PAH: variants seen among roughly 807,000 people sequenced by gnomAD.
The protein encoded by PAH is phenylalanine hydroxylase.
PAH carries 64 observed loss-of-function variants against 62.0 expected under a neutral mutation model. The observed-to-expected ratio is 1.03, with a 90% confidence interval of 0.84 to 1.27. The LOEUF (loss-of-function observed/expected upper bound fraction) is 1.27. Among genes scored for constraint, PAH ranks in the 50% most tolerant of loss-of-function variants. The pLI, the probability that PAH is intolerant of heterozygous loss-of-function variation, is 0.00. For missense variants in PAH, 579 were observed against 542.8 expected (o/e 1.07, Z -0.66); for synonymous variants, 195 against 196.2 (o/e 0.99, Z 0.05).
intron 3 of PAH, among the ~76,000 whole-genome samples, chr12:102,892,974 T>C (rs1877338760): frequency 6.6e-6 from 1 of 152,152 alleles, no homozygotes; most frequent in African/African-American, 2.4e-5. Flanking sequence ...CAATATCGGC[T>C]CATCAGTTCT....
intron 8 of PAH, chr12:102,847,425 A>G (rs1874900241): frequency 5.5e-6 from 1 of 180,804 alleles, no homozygotes; most frequent in Admixed American, 5.4e-5. Context: ...AATTCTCACC[A>G]CAGCTTCTGT....
At chr12:102,854,977 C>T in intron 6 of PAH, 159 bp downstream of exon 6, 2 of 709,970 alleles carry the variant, frequency 2.8e-6, no homozygotes, top group Admixed American at 4.0e-5. Flanking sequence ...AGGCAGAGCA[C>T]AGTGAAATTT....
At chr12:102,888,804 C>G (rs966800092) in intron 3 of PAH, among the ~76,000 whole-genome samples, 1 of 151,902 alleles carries the variant, frequency 6.6e-6, no homozygotes, top group African/African-American at 2.4e-5. Context: ...CAGCAAGCAT[C>G]CAGGTAAAGA....
upstream of PAH, chr12:102,917,536 T>C (rs1878438451): frequency 1.3e-5 from 4 of 307,512 alleles, no homozygotes; most frequent in South Asian, 9.3e-5. Flanking sequence ...TTCTCTGCAA[T>C]TGGACTAAGC....
At chr12:102,843,326 G>A (rs966563119) in intron 11 of PAH, among the ~76,000 whole-genome samples, 1 of 152,036 alleles carries the variant, frequency 6.6e-6, no homozygotes, top group African/African-American at 2.4e-5. Context: ...AGTGAAGAAA[G>A]GACTTCCTAG....
intron 3 of PAH, among the ~76,000 whole-genome samples, chr12:102,884,322 C>T (rs1247071484): frequency 6.6e-6 from 1 of 152,204 alleles, no homozygotes; most frequent in Non-Finnish European, 1.5e-5. Context: ...CACTTCCCAG[C>T]TTGCAGAGTT....
At chr12:102,911,862 C>G (rs932510473) in intron 2 of PAH, among the ~76,000 whole-genome samples, 6 of 152,158 alleles carry the variant, frequency 3.9e-5, no homozygotes, top group Non-Finnish European at 4.4e-5. Flanking sequence ...ACCCCTGCCT[C>G]CCAATCAGCT....
chr12:102,894,598 A>G, intron 3 of PAH, 137 bp downstream of exon 3: 1 of 687,798 alleles, frequency 1.5e-6, no homozygotes. Context: ...CATATATATT[A>G]ATTTTGCTTC....
intron 4 of PAH, among the ~76,000 whole-genome samples, chr12:102,872,238 A>G (rs1212981469): frequency 6.6e-6 from 1 of 152,130 alleles, no homozygotes; most frequent in Non-Finnish European, 1.5e-5. Flanking sequence ...GTCTTATGGA[A>G]CATTAATCAC....
chr12:102,853,978 A>G (rs2136647639), intron 6 of PAH, among the ~76,000 whole-genome samples: 2 of 152,290 alleles, frequency 1.3e-5, no homozygotes, highest in Middle Eastern at 6.8e-3. Context: ...TCTCTTAATT[A>G]CTATTATGTA....
intron 3 of PAH, among the ~76,000 whole-genome samples, chr12:102,884,972 T>A (rs1876969937): frequency 6.6e-6 from 1 of 152,230 alleles, no homozygotes; most frequent in Non-Finnish European, 1.5e-5. Flanking sequence ...TTGCTCAAGA[T>A]CACTGAGCTA....
At chr12:102,875,236 G>T (rs1250067889) in intron 4 of PAH, among the ~76,000 whole-genome samples, 1 of 152,164 alleles carries the variant, frequency 6.6e-6, no homozygotes. Flanking sequence ...CAAAGATGTG[G>T]CTTTTAAAAA....
intron 3 of PAH, among the ~76,000 whole-genome samples, chr12:102,879,991 G>A (rs1273845559): frequency 6.6e-6 from 1 of 152,158 alleles, no homozygotes; most frequent in Non-Finnish European, 1.5e-5. Context: ...TTTCACATAT[G>A]CTACCCCCTT....
chr12:102,856,093 C>T (rs904644938), intron 5 of PAH, among the ~76,000 whole-genome samples: 5 of 128,598 alleles, frequency 3.9e-5, no homozygotes, highest in Non-Finnish European at 6.6e-5. Context: ...TAAATAAGTT[C>T]TAGATCAAGG....
chr12:102,841,232 C>T (rs369823184), intron 11 of PAH, among the ~76,000 whole-genome samples: 6 of 152,318 alleles, frequency 3.9e-5, no homozygotes, highest in African/African-American at 1.4e-4. Context: ...CAGTGCCTTA[C>T]TCCTGGATCT....
chr12:102,920,150 TA>T (rs1878517198), upstream of PAH, among the ~76,000 whole-genome samples: 1 of 152,054 alleles, frequency 6.6e-6, no homozygotes, highest in African/African-American at 2.4e-5. Flanking sequence ...ATCGCTTCTT[TA>T]AAAAAAATTA....
chr12:102,908,212 T>A (rs76314503), intron 2 of PAH, among the ~76,000 whole-genome samples: 2 of 142,162 alleles, frequency 1.4e-5, no homozygotes, highest in Non-Finnish European at 3.0e-5. Flanking sequence ...TACCACCCCC[T>A]GCAGCCCCGA....
chr12:102,951,284 C>T (rs566789917), upstream of PAH, among the ~76,000 whole-genome samples: 5 of 152,266 alleles, frequency 3.3e-5, no homozygotes, highest in East Asian at 1.9e-4. Flanking sequence ...CAGAGCCTGG[C>T]CCCGCTGCGC....
rs560602107 is a variant in PAH, at chr12:102,909,891, G to A, written c.168+2900C>T. 5.7e-3 allele frequency among the ~76,000 whole-genome samples: 861 copies of A among 152,214 alleles called. 3 individuals are homozygous for A. Among genetic ancestry groups the A allele is most frequent in the Non-Finnish European group, 8.5e-3 (581 of 68,020 alleles). On this transcript the variant is annotated intron_variant, in intron 2 of 12. Coordinates refer to ENST00000553106, the MANE Select transcript of PAH (RefSeq NM_000277.3). ...TGAGAATCGCCTGAACCTGGGAGGC[G>A]GAGGTTGCAGTGAGCTGAGATCGCA...
Sources: allele counts gnomAD v4.1 joint callset (sites outside exome capture counted in the v4.1 genomes callset), GRCh38; gene constraint gnomAD v4.1.1; transcripts MANE v1.5; gene names NCBI Gene and HGNC (gene_info 2026-07-23, HGNC 2026-07-21).